Variants in SLC2A13 observed in about 807,000 individuals in gnomAD.
The protein encoded by SLC2A13 is proton myo-inositol cotransporter.
A neutral mutation model predicts 64.4 loss-of-function variants in SLC2A13; 32 were observed. The observed-to-expected ratio is 0.50, with a 90% CI of 0.37 to 0.67. The LOEUF is 0.67. Among genes scored for constraint, SLC2A13 ranks in the 30% least tolerant of loss-of-function variants. The pLI is 0.00. For synonymous variants in SLC2A13, 338 were observed against 327.1 expected (o/e 1.03, Z -0.36); for missense variants, 743 against 829.2 (o/e 0.90, Z 1.28).
At chr12:39,835,728 A>G (rs1265569167) in intron 6 of SLC2A13, 1 of 152,128 alleles carries the variant, frequency 6.6e-6, no homozygotes, top group Non-Finnish European at 1.5e-5. Flanking sequence ...AGGGTGGATC[A>G]CCAATATATA....
intron 3 of SLC2A13, among the ~76,000 whole-genome samples, chr12:40,000,932 AG>A (rs1209193585): frequency 6.6e-6 from 1 of 152,230 alleles, no homozygotes; most frequent in Non-Finnish European, 1.5e-5. Flanking sequence ...AAAAAAGGCT[AG>A]CTGGCCGGCC....
chr12:39,893,255 T>C (rs888193848), intron 4 of SLC2A13, among the ~76,000 whole-genome samples: 2 of 152,226 alleles, frequency 1.3e-5, no homozygotes, highest in Admixed American at 1.3e-4. Context: ...TAATTTTATC[T>C]ATGTCTATTT....
intron 3 of SLC2A13, among the ~76,000 whole-genome samples, chr12:39,964,749 C>T (rs901068665): frequency 1.3e-5 from 2 of 152,142 alleles, no homozygotes; most frequent in East Asian, 1.9e-4. Flanking sequence ...ACAATCCCAT[C>T]ATATCCTATG....
At chr12:39,809,965 CAT>C (rs1356514330) in intron 7 of SLC2A13, among the ~76,000 whole-genome samples, 1 of 152,148 alleles carries the variant, frequency 6.6e-6, no homozygotes, top group Non-Finnish European at 1.5e-5. Flanking sequence ...CCGCAATAAA[CAT>C]ATGTGTGAAT....
intron 4 of SLC2A13, among the ~76,000 whole-genome samples, chr12:39,878,715 G>A (rs544597476): frequency 7.9e-5 from 12 of 152,244 alleles, no homozygotes; most frequent in Non-Finnish European, 1.5e-4. Context: ...TGGAAAATTT[G>A]CAGCCTGGCC....
chr12:39,988,812 A>G (rs889706693), intron 3 of SLC2A13, among the ~76,000 whole-genome samples: 3 of 152,218 alleles, frequency 2.0e-5, no homozygotes, highest in Admixed American at 2.0e-4. Flanking sequence ...TTTATCATAT[A>G]TAAGTCAAAA....
At chr12:40,029,939 CT>C (rs1947878696) in intron 2 of SLC2A13, among the ~76,000 whole-genome samples, 2 of 152,122 alleles carry the variant, frequency 1.3e-5, no homozygotes, top group African/African-American at 2.4e-5. Context: ...GTCTTTGTAT[CT>C]TGTATTATAA....
chr12:40,071,972 T>C (rs973385930), intron 1 of SLC2A13, among the ~76,000 whole-genome samples: 2 of 152,114 alleles, frequency 1.3e-5, no homozygotes, highest in African/African-American at 4.8e-5. Flanking sequence ...TTGGATTTAA[T>C]TCCCTCTTTT....
intron 4 of SLC2A13, among the ~76,000 whole-genome samples, chr12:39,903,076 A>G (rs1438605885): frequency 6.6e-6 from 1 of 152,176 alleles, no homozygotes; most frequent in African/African-American, 2.4e-5. Context: ...CCATAGGAAC[A>G]TCGTAATAAT....
At position 40,052,936 on chromosome 12, in the gene SLC2A13, C is replaced by A. The variant is rs373924037; in HGVS notation, c.557-4726G>T. ...CAAATATCTACCTTACCTTTCAATA[C>A]TATGTTATTTTTAAAGGCTTTCTAT... On this transcript the variant is annotated intron_variant, in intron 1 of 9. Transcript: ENST00000280871. Among the ~76,000 whole-genome samples the A allele has an allele frequency of 1.2e-4, 18 of 152,196 alleles. No individual in the cohort carries two copies. The East Asian group carries it at 2.1e-3, about 18-fold the overall frequency.
At chr12:40,046,562 C>T (rs529888930) in intron 2 of SLC2A13, among the ~76,000 whole-genome samples, 1 of 151,672 alleles carries the variant, frequency 6.6e-6, no homozygotes, top group South Asian at 2.1e-4. Context: ...ATTGCATTTA[C>T]AAGAAAAACT....
intron 3 of SLC2A13, among the ~76,000 whole-genome samples, chr12:40,000,940 G>A (rs11564223): frequency 0.13 from 19,615 of 152,114 alleles, 1,493 homozygotes; most frequent in Middle Eastern, 0.15. Context: ...CTAGCTGGCC[G>A]GCCAATGAGT....
At chr12:40,087,234 GA>G (rs1456420549) in intron 1 of SLC2A13, among the ~76,000 whole-genome samples, 1 of 152,152 alleles carries the variant, frequency 6.6e-6, no homozygotes, top group Admixed American at 6.5e-5. Flanking sequence ...AAAGGCCCCT[GA>G]TAATTGAGCT....
At chr12:40,039,490 T>C (rs1948048175) in intron 2 of SLC2A13, among the ~76,000 whole-genome samples, 1 of 152,248 alleles carries the variant, frequency 6.6e-6, no homozygotes, top group South Asian at 2.1e-4. Context: ...TTATTGCATT[T>C]ATTCAGCTTA....
chr12:39,833,011 C>T (rs898597444), intron 6 of SLC2A13, among the ~76,000 whole-genome samples: 7 of 152,044 alleles, frequency 4.6e-5, no homozygotes, highest in African/African-American at 1.7e-4. Context: ...CTTAAAGTTT[C>T]TTAGCCCCCT....
At chr12:39,905,767 T>C (rs1191033502) in intron 4 of SLC2A13, among the ~76,000 whole-genome samples, 2 of 148,962 alleles carry the variant, frequency 1.3e-5, no homozygotes, top group African/African-American at 4.9e-5. Flanking sequence ...GAAAAAAGTC[T>C]GCCACAAATT....
chr12:39,831,663 GA>G (rs1942854051), intron 6 of SLC2A13, among the ~76,000 whole-genome samples: 1 of 152,036 alleles, frequency 6.6e-6, no homozygotes, highest in Non-Finnish European at 1.5e-5. Context: ...AATCATGGGG[GA>G]AAGATCCCTC....
intron 4 of SLC2A13, among the ~76,000 whole-genome samples, chr12:39,947,537 G>A (rs137902762): frequency 6.6e-6 from 1 of 152,096 alleles, no homozygotes; most frequent in East Asian, 1.9e-4. Context: ...TTTAGGTTGT[G>A]GTAATGATAA....
intron 3 of SLC2A13, among the ~76,000 whole-genome samples, chr12:39,969,234 A>C (rs1387832949): frequency 6.6e-6 from 1 of 152,200 alleles, no homozygotes; most frequent in East Asian, 1.9e-4. Flanking sequence ...AGTCTTTGCT[A>C]TTGTGAGTAG....
Sources: gnomAD v4.1 joint callset for allele counts (sites outside exome capture counted in the v4.1 genomes callset) on GRCh38, gnomAD v4.1.1 for gene constraint, MANE v1.5 for transcripts, NCBI Gene and HGNC (gene_info 2026-07-23, HGNC 2026-07-21) for gene names.